Variants in AKR1B1 observed in about 807,000 individuals in gnomAD.
The protein encoded by AKR1B1 is aldo-keto reductase family 1 member B1.
In AKR1B1, 22 loss-of-function variants were observed where a neutral mutation model predicts 40.4. The observed-to-expected ratio is 0.54, with a 90% confidence interval of 0.39 to 0.78. The LOEUF (loss-of-function observed/expected upper bound fraction) is 0.78. Among genes scored for constraint, AKR1B1 ranks in the 30% least tolerant of loss-of-function variants. The pLI is 0.00. For synonymous variants in AKR1B1, 157 were observed against 149.9 expected (o/e 1.05, Z -0.35); for missense variants, 357 against 396.7 (o/e 0.90, Z 0.85).
intron 1 of AKR1B1, among the ~76,000 whole-genome samples, chr7:134,455,921 C>T (rs1346249167): frequency 2.6e-5 from 4 of 152,168 alleles, no homozygotes; most frequent in Admixed American, 2.6e-4. Context: ...CCTGTCCAAG[C>T]CACATGGGTC....
intron 8 of AKR1B1, among the ~76,000 whole-genome samples, chr7:134,446,757 C>A (rs949737239): frequency 1.3e-5 from 2 of 152,246 alleles, no homozygotes; most frequent in African/African-American, 4.8e-5. Context: ...GGTGAATGGA[C>A]TAAATGGCCC....
intron 1 of AKR1B1, among the ~76,000 whole-genome samples, chr7:134,457,821 G>A (rs1457746199): frequency 6.6e-6 from 1 of 152,028 alleles, no homozygotes; most frequent in Non-Finnish European, 1.5e-5. Context: ...AGCAACAAGC[G>A]GAGACTGTCT....
intron 1 of AKR1B1, among the ~76,000 whole-genome samples, chr7:134,453,190 C>A (rs1806345942): frequency 6.6e-6 from 1 of 152,224 alleles, no homozygotes; most frequent in African/African-American, 2.4e-5. Context: ...ACTGAACTTT[C>A]TCCAGGCTTG....
At chr7:134,455,283 C>A (rs554756216) in intron 1 of AKR1B1, among the ~76,000 whole-genome samples, 29 of 152,082 alleles carry the variant, frequency 1.9e-4, no homozygotes, top group African/African-American at 6.7e-4. Context: ...AGCAGAAGTA[C>A]AATATTATCT....
intron 7 of AKR1B1, chr7:134,447,771 A>G (rs1806148337): frequency 1.6e-5 from 11 of 666,870 alleles, no homozygotes; most frequent in Non-Finnish European, 2.5e-5. Flanking sequence ...TCACCCTTGC[A>G]GTAGTGGGGG....
chr7:134,447,159 G>T (rs1806123882), intron 8 of AKR1B1, 139 bp downstream of exon 8: 1 of 819,016 alleles, frequency 1.2e-6, no homozygotes, highest in Non-Finnish European at 2.0e-6. Flanking sequence ...CTCAGTCTTG[G>T]CTTGCTCGCC....
At position 134,448,359 on chromosome 7, in the gene AKR1B1, C is replaced by G. The variant is rs6963238; in HGVS notation, c.659+28G>C. 3.7e-3 allele frequency: 5,718 copies of G among 1,555,154 alleles called. 164 individuals are homozygous for G. The African/African-American group carries it at 0.064, about 17-fold the overall frequency. ...CTTTTCTAATCTTCACCAAGTGACA[C>G]AGGAGCATGAGCCTGTGGGAAGCTC... On this transcript the variant is annotated intron_variant, in intron 6 of 9. Transcript: ENST00000285930.
At chr7:134,450,149 C>A (rs1387199400) in intron 3 of AKR1B1, among the ~76,000 whole-genome samples, 1 of 152,184 alleles carries the variant, frequency 6.6e-6, no homozygotes, top group Non-Finnish European at 1.5e-5. Flanking sequence ...CCCAGCTTAC[C>A]CCTAAAATCA....
chr7:134,450,940 C>A (rs1316295561), intron 2 of AKR1B1, 38 bp from the exon 3 acceptor site: 1 of 1,542,580 alleles, frequency 6.5e-7, no homozygotes, highest in East Asian at 2.2e-5. Flanking sequence ...CATTGCCAGC[C>A]ACAAGGCAGC....
chr7:134,459,134 C>G (rs1046756506), upstream of AKR1B1: 2 of 1,534,682 alleles, frequency 1.3e-6, no homozygotes, highest in Non-Finnish European at 1.8e-6. Flanking sequence ...TTAAATAGCC[C>G]GTGAGGTCGG....
chr7:134,459,235 T>C (rs1211982590), upstream of AKR1B1: 1 of 727,420 alleles, frequency 1.4e-6, no homozygotes, highest in Non-Finnish European at 2.3e-6. Context: ...TCCCCAAGGG[T>C]CGGCGGGGAT....
At position 134,459,081 on chromosome 7, in the gene AKR1B1, AC is replaced by A. The variant is rs1445867144; in HGVS notation, c.-20del. 16 of 1,594,640 alleles carry A rather than the reference AC, an allele frequency of 1.0e-5. No homozygotes were observed. The highest frequency in any genetic ancestry group is 1.3e-5 in the Non-Finnish European group (15 of 1,171,686). ...TTGCCATGGCTGCTGCGCTCCCCAGACCCCCGCCCAGTACGGTGCGGCCTTG... is the reference window on the plus strand; with the variant it reads ...TTGCCATGGCTGCTGCGCTCCCCAGACCCCGCCCAGTACGGTGCGGCCTTG... On this transcript the variant is annotated 5_prime_UTR_variant, in exon 1 of 10. Transcript: ENST00000285930.
upstream of AKR1B1, chr7:134,459,136 T>C (rs888107392): frequency 6.5e-7 from 1 of 1,530,056 alleles, no homozygotes; most frequent in Non-Finnish European, 8.9e-7. Flanking sequence ...AAATAGCCCG[T>C]GAGGTCGGCA....
chr7:134,452,720 TG>T (rs1236608439), intron 1 of AKR1B1, among the ~76,000 whole-genome samples: 1 of 152,132 alleles, frequency 6.6e-6, no homozygotes, highest in Non-Finnish European at 1.5e-5. Flanking sequence ...TTTGGAGAGC[TG>T]GGGTAGAAAC....
intron 9 of AKR1B1, chr7:134,445,032 A>G: frequency 1.6e-6 from 1 of 644,040 alleles, no homozygotes. Flanking sequence ...GGGCTGGAAG[A>G]AGATATCAAG....
chr7:134,445,594 T>C (rs1448992718), intron 8 of AKR1B1, among the ~76,000 whole-genome samples: 1 of 152,230 alleles, frequency 6.6e-6, no homozygotes, highest in Non-Finnish European at 1.5e-5. Flanking sequence ...ACTTCTATTG[T>C]GATAAGTTGC....
rs114639696 is a variant in AKR1B1 at position 134,452,567 on chromosome 7, A to C, written c.67-814T>G. Reference sequence around the variant, plus strand: ...AGCCTGGCTACTGAAGAGGAGGAGGAAGTGCCTACATGGCATCGCGCTTCA... The same window carrying C: ...AGCCTGGCTACTGAAGAGGAGGAGGCAGTGCCTACATGGCATCGCGCTTCA... On this transcript the variant is annotated intron_variant, in intron 1 of 9. Transcript: ENST00000285930. 3.8e-3 allele frequency among the ~76,000 whole-genome samples: 571 copies of C among 152,246 alleles called. 5 individuals carry two copies. Among genetic ancestry groups the C allele is most frequent in the African/African-American group, 0.013 (547 of 41,540 alleles).
intron 5 of AKR1B1, 62 bp from the exon 6 acceptor site, chr7:134,448,555 T>A: frequency 1.6e-6 from 2 of 1,269,334 alleles, no homozygotes; most frequent in Non-Finnish European, 2.3e-6. Flanking sequence ...GGGACACAGA[T>A]GAAGCTTCCT....
At position 134,448,085 on chromosome 7, in the gene AKR1B1, G is replaced by A. The variant is rs749786869; in HGVS notation, c.660-24C>T. On this transcript the variant is annotated intron_variant, in intron 6 of 9. Transcript: ENST00000285930. ...CCCTGAGGATAGAAAGACAGTCCAG[G>A]TCACACCATCATGGCCACCACTCAC... The A allele has an allele frequency of 8.8e-6, 14 of 1,590,734 alleles. No individual in the cohort carries two copies. In the East Asian group the frequency reaches 3.1e-4, roughly 36 times the overall value.
Sources: allele counts gnomAD v4.1 joint callset (sites outside exome capture counted in the v4.1 genomes callset), GRCh38; gene constraint gnomAD v4.1.1; transcripts MANE v1.5; gene names NCBI Gene and HGNC (gene_info 2026-07-23, HGNC 2026-07-21).